Variants in ECE1 observed in about 807,000 individuals in gnomAD.
ECE1 encodes endothelin converting enzyme 1.
A neutral mutation model predicts 98.6 loss-of-function variants in ECE1; 35 were observed. The ratio of observed to expected loss-of-function variants is 0.35; its 90% CI spans 0.27 to 0.47. ECE1 has a LOEUF of 0.47. ECE1 is among the 20% of genes least tolerant of loss of function. ECE1 has a pLI of 1.00. For synonymous variants in ECE1, 394 were observed against 407.1 expected (o/e 0.97, Z 0.39); for missense variants, 814 against 1,025.3 (o/e 0.79, Z 2.81).
At chr1:21,222,841 CAAAAAAAAAAA>C (rs888811259) in intron 17 of ECE1, among the ~76,000 whole-genome samples, 4 of 27,798 alleles carry the variant, frequency 1.4e-4, no homozygotes, top group Non-Finnish European at 1.8e-4. Flanking sequence ...GACCCTGTCT[CAAAAAAAAAAA>C]AAAAAAAAAA....
rs1573943863 is a variant in ECE1, at chr1:21,235,943, A to G, written c.1489-16T>C. On this transcript the variant is annotated splice_polypyrimidine_tract_variant and intron_variant, in intron 12 of 18. Coordinates refer to ENST00000374893, the MANE Select transcript of ECE1 (RefSeq NM_001397.3). This position sits in a 1 kb window ranked among gnomAD's most constrained non-coding sequence, Gnocchi z 4.2. ...TGGCATCGGCCTGGACAGGACAGAC[A>G]GAGGAAGTGAGTGCCCGGCAACATC... The G allele has an allele frequency of 6.2e-7, 1 of 1,612,994 alleles. No individual in the cohort carries two copies. Among genetic ancestry groups the G allele is most frequent in the Middle Eastern group, 1.7e-4 (1 of 6,060 alleles).
At chr1:21,232,673 A>AT (rs57168698) in intron 14 of ECE1, among the ~76,000 whole-genome samples, 2,872 of 136,598 alleles carry the variant, frequency 0.021, 64 homozygotes, top group African/African-American at 0.055. Flanking sequence ...AGGAAGCTGT[A>AT]TTTTTTTTTT....
intron 8 of ECE1, among the ~76,000 whole-genome samples, chr1:21,251,459 G>A (rs1037829768): frequency 3.3e-5 from 5 of 152,198 alleles, no homozygotes; most frequent in South Asian, 2.1e-4. Flanking sequence ...AGGCTGCAGT[G>A]AGCCAAGATC....
At chr1:21,269,659 G>A (rs1053594962) in intron 4 of ECE1, among the ~76,000 whole-genome samples, 7 of 152,198 alleles carry the variant, frequency 4.6e-5, no homozygotes, top group African/African-American at 1.7e-4. Context: ...CTAGTATTCC[G>A]ATGTATTCCA....
At chr1:21,255,080 C>A in intron 8 of ECE1, among the ~76,000 whole-genome samples, 1 of 152,184 alleles carries the variant, frequency 6.6e-6, no homozygotes, top group East Asian at 1.9e-4. Context: ...CAAGACGGAC[C>A]CATATACACC....
At chr1:21,343,520 G>C (rs550813821) in intron 1 of ECE1, among the ~76,000 whole-genome samples, 2 of 152,216 alleles carry the variant, frequency 1.3e-5, no homozygotes, top group Non-Finnish European at 2.9e-5. Context: ...ACTTCCCAGC[G>C]TGGGCTCAAG....
At chr1:21,293,452 G>A (rs957135897), upstream of ECE1, 2 of 152,112 alleles carry the variant, frequency 1.3e-5, no homozygotes, top group Non-Finnish European at 2.9e-5. Context: ...CTTAGTCTGG[G>A]GCTGGAGCCT....
intron 17 of ECE1, among the ~76,000 whole-genome samples, chr1:21,224,102 T>C (rs774327673): frequency 3.3e-5 from 5 of 152,154 alleles, no homozygotes; most frequent in Non-Finnish European, 7.3e-5. Context: ...TTGTGTCTAG[T>C]TCGTGGCCTC....
intron 1 of ECE1, among the ~76,000 whole-genome samples, chr1:21,313,455 G>C (rs1638769953): frequency 6.6e-6 from 1 of 152,302 alleles, no homozygotes; most frequent in Admixed American, 6.5e-5. Context: ...ATTGGCTCAG[G>C]AGGACAGGAG....
chr1:21,328,446 A>G (rs1022127238), intron 1 of ECE1, among the ~76,000 whole-genome samples: 3 of 152,152 alleles, frequency 2.0e-5, no homozygotes, highest in African/African-American at 7.2e-5. Flanking sequence ...ACCTATGCTG[A>G]TATTTGGCAG....
intron 1 of ECE1, among the ~76,000 whole-genome samples, chr1:21,318,612 ATT>A (rs1387965496): frequency 6.6e-6 from 1 of 151,876 alleles, no homozygotes; most frequent in East Asian, 1.9e-4. Context: ...TTTTTTGAAG[ATT>A]TAGAACCAGT....
chr1:21,226,852 A>C (rs1449899641), intron 16 of ECE1, among the ~76,000 whole-genome samples: 1 of 152,102 alleles, frequency 6.6e-6, no homozygotes, highest in Admixed American at 6.5e-5. Flanking sequence ...CAGCCTCCTG[A>C]GTAGCTGGGA....
At chr1:21,289,944 G>A in intron 2 of ECE1, 126 bp downstream of exon 2, 1 of 1,181,760 alleles carries the variant, frequency 8.5e-7, no homozygotes, top group Non-Finnish European at 1.1e-6. Flanking sequence ...CCTCCCGGAT[G>A]CCGGGACGAG....
intron 1 of ECE1, among the ~76,000 whole-genome samples, chr1:21,333,756 C>T (rs966618865): frequency 5.3e-5 from 8 of 152,158 alleles, no homozygotes; most frequent in South Asian, 2.1e-4. Context: ...ATTGCTTAAA[C>T]CCAGGAGGTG....
intron 1 of ECE1, among the ~76,000 whole-genome samples, chr1:21,337,871 G>A (rs981860138): frequency 3.8e-4 from 58 of 152,302 alleles, no homozygotes; most frequent in African/African-American, 1.2e-3. Context: ...CCTGCTGCAC[G>A]GGCAGATCCC....
rs908465729 is a variant in ECE1 at position 21,297,196 on chromosome 1, C to T, written c.4-7040G>A. On this transcript the variant is annotated intron_variant, in intron 1 of 18. Coordinates refer to the ECE1 transcript ENST00000415912. Reference sequence around the variant, plus strand: ...TCACTCACATGGCCCAGTGTTGACTCAACTGCCAGAGGCCCTGGGGGGCAC... The same window carrying T: ...TCACTCACATGGCCCAGTGTTGACTTAACTGCCAGAGGCCCTGGGGGGCAC... Among the ~76,000 whole-genome samples the T allele has an allele frequency of 5.9e-5, 9 of 152,234 alleles. 1 individual carries two copies. The highest frequency in any genetic ancestry group is 2.0e-4 in the Admixed American group (3 of 15,286).
chr1:21,313,888 GGC>G (rs552045325), intron 1 of ECE1, among the ~76,000 whole-genome samples: 1,940 of 152,248 alleles, frequency 0.013, 42 homozygotes, highest in African/African-American at 0.044. Flanking sequence ...GGAATGTCCC[GGC>G]TCACGGAGAA....
At chr1:21,341,526 C>T (rs1341907976) in intron 1 of ECE1, among the ~76,000 whole-genome samples, 1 of 152,272 alleles carries the variant, frequency 6.6e-6, no homozygotes, top group African/African-American at 2.4e-5. Context: ...CACCTTGTAG[C>T]CCTCTCATGC....
chr1:21,332,291 G>A (rs1026671685), intron 1 of ECE1, among the ~76,000 whole-genome samples: 4 of 152,028 alleles, frequency 2.6e-5, no homozygotes, highest in Admixed American at 6.6e-5. Context: ...CACTGGGAAC[G>A]CAGAGGTGAA....
Sources: gnomAD v4.1 joint callset for allele counts (sites outside exome capture counted in the v4.1 genomes callset) on GRCh38, gnomAD v4.1.1 for gene constraint, Gnocchi (gnomAD v3.1) non-coding constraint, MANE v1.5 for transcripts, NCBI Gene and HGNC (gene_info 2026-07-23, HGNC 2026-07-21) for gene names.